Variants in DDX10 observed in about 807,000 individuals in gnomAD.
DDX10 encodes the protein probable ATP-dependent RNA helicase DDX10.
A neutral mutation model predicts 104.3 loss-of-function variants in DDX10; 74 were observed. That is an observed-to-expected ratio of 0.71 (90% CI 0.59 to 0.86). DDX10 has a LOEUF of 0.86. Among genes scored for constraint, DDX10 ranks in the 40% least tolerant of loss-of-function variants. The probability of loss-of-function intolerance (pLI) is 0.00; values close to 1 mark genes in which losing one functional copy is unlikely to be tolerated. For missense variants in DDX10, 952 were observed against 1,040.0 expected, an observed-to-expected ratio of 0.92 and a Z score of 1.16; for synonymous variants, 351 against 353.4, an observed-to-expected ratio of 0.99 and a Z score of 0.08.
At chr11:108,685,377 G>C (rs1327469241) in intron 6 of DDX10, among the ~76,000 whole-genome samples, 1 of 151,432 alleles carries the variant, frequency 6.6e-6, no homozygotes, top group East Asian at 1.9e-4. Flanking sequence ...GCAATGCCTC[G>C]CCCTGCTTCG....
intron 13 of DDX10, among the ~76,000 whole-genome samples, chr11:108,776,331 G>T (rs1432895655): frequency 1.3e-5 from 2 of 152,252 alleles, no homozygotes; most frequent in Admixed American, 1.3e-4. Flanking sequence ...CCAAGAATTT[G>T]TGGAGGATTA....
intron 10 of DDX10, 66 bp downstream of exon 10, chr11:108,706,903 T>A: frequency 1.5e-6 from 2 of 1,339,992 alleles, no homozygotes; most frequent in Non-Finnish European, 2.1e-6. Context: ...TGCTTAATTA[T>A]GTGCACCTAA....
At chr11:108,667,057 T>C (rs139995082) in intron 1 of DDX10, among the ~76,000 whole-genome samples, 3 of 152,344 alleles carry the variant, frequency 2.0e-5, no homozygotes, top group Non-Finnish European at 4.4e-5. Flanking sequence ...CCCTACTGCA[T>C]TGTCTTCAGT....
chr11:108,817,134 T>C (rs1786666304), intron 13 of DDX10, among the ~76,000 whole-genome samples: 1 of 152,212 alleles, frequency 6.6e-6, no homozygotes, highest in Admixed American at 6.5e-5. Context: ...TCACTTAAAT[T>C]TGCAGTTTCC....
At chr11:108,673,250 T>C (rs2094219371) in intron 1 of DDX10, among the ~76,000 whole-genome samples, 1 of 152,148 alleles carries the variant, frequency 6.6e-6, no homozygotes, top group Non-Finnish European at 1.5e-5. Context: ...GACTTTTTTT[T>C]CCTTACCAAT....
chr11:108,878,379 C>A (rs779584098), intron 16 of DDX10, among the ~76,000 whole-genome samples: 9 of 152,216 alleles, frequency 5.9e-5, no homozygotes, highest in Admixed American at 1.3e-4. Context: ...ATGTGTACCA[C>A]ACCATCACTA....
chr11:108,834,439 A>G (rs1029182911), intron 13 of DDX10, among the ~76,000 whole-genome samples: 4 of 152,198 alleles, frequency 2.6e-5, no homozygotes, highest in Non-Finnish European at 5.9e-5. Flanking sequence ...TTTATATACA[A>G]TGAAATGCAC....
At chr11:108,669,789 C>T (rs1033220694) in intron 1 of DDX10, among the ~76,000 whole-genome samples, 4 of 152,144 alleles carry the variant, frequency 2.6e-5, no homozygotes, top group African/African-American at 9.7e-5. Flanking sequence ...GCGGAAGAGT[C>T]AGTGTCAGAA....
chr11:108,894,563 A>G (rs1464020831), intron 16 of DDX10, among the ~76,000 whole-genome samples: 1 of 152,070 alleles, frequency 6.6e-6, no homozygotes, highest in Admixed American at 6.5e-5. Flanking sequence ...GAAAATTATC[A>G]TGGCATATCT....
intron 16 of DDX10, among the ~76,000 whole-genome samples, chr11:108,893,870 T>C (rs2134642199): frequency 6.6e-6 from 1 of 152,226 alleles, no homozygotes; most frequent in Middle Eastern, 3.4e-3. Flanking sequence ...CATGCAAATG[T>C]ATGCAGTGGA....
chr11:108,871,575 C>T (rs1863082412), intron 16 of DDX10, among the ~76,000 whole-genome samples: 1 of 152,154 alleles, frequency 6.6e-6, no homozygotes, highest in African/African-American at 2.4e-5. Flanking sequence ...TCCTTTGTAC[C>T]CATCCATTTG....
At chr11:108,672,169 G>C (rs2094218017) in intron 1 of DDX10, among the ~76,000 whole-genome samples, 1 of 151,910 alleles carries the variant, frequency 6.6e-6, no homozygotes, top group Non-Finnish European at 1.5e-5. Context: ...TTCCCTCCAG[G>C]AGGTTAACTG....
intron 13 of DDX10, among the ~76,000 whole-genome samples, chr11:108,816,809 T>C (rs1368739515): frequency 6.6e-6 from 1 of 152,086 alleles, no homozygotes; most frequent in Admixed American, 6.5e-5. Context: ...TCTCTTTGGC[T>C]TCCCAAAGTG....
intron 3 of DDX10, among the ~76,000 whole-genome samples, chr11:108,676,070 C>G (rs1454078135): frequency 1.3e-5 from 2 of 152,218 alleles, no homozygotes; most frequent in Non-Finnish European, 2.9e-5. Flanking sequence ...AGTTTCTGCT[C>G]TCACCCTTGT....
At chr11:108,669,096 C>CTT (rs569505369) in intron 1 of DDX10, among the ~76,000 whole-genome samples, 28 of 139,196 alleles carry the variant, frequency 2.0e-4, no homozygotes, top group African/African-American at 6.6e-4. Context: ...TGGAGCTAAG[C>CTT]TTTTTTTTTT....
At chr11:108,728,038 A>C (rs2094307483) in intron 13 of DDX10, among the ~76,000 whole-genome samples, 1 of 151,994 alleles carries the variant, frequency 6.6e-6, no homozygotes, top group Non-Finnish European at 1.5e-5. Context: ...AGTCCTAGAA[A>C]AATGAAAAAA....
At chr11:108,691,609 A>G (rs1351014648) in intron 7 of DDX10, among the ~76,000 whole-genome samples, 1 of 152,230 alleles carries the variant, frequency 6.6e-6, no homozygotes, top group African/African-American at 2.4e-5. Context: ...TTTGTAGAAA[A>G]TGAGTTATGA....
chr11:108,739,210 A>C (rs898787402), intron 13 of DDX10, among the ~76,000 whole-genome samples: 2 of 152,222 alleles, frequency 1.3e-5, no homozygotes, highest in Non-Finnish European at 2.9e-5. Context: ...AGGTAGTAGC[A>C]AAAAGTAGAA....
intron 16 of DDX10, among the ~76,000 whole-genome samples, chr11:108,894,726 A>T (rs1340812034): frequency 2.6e-5 from 4 of 152,008 alleles, no homozygotes; most frequent in African/African-American, 7.2e-5. Context: ...TTCTTTTGTA[A>T]AATACTTTGT....
Sources: gnomAD v4.1 joint callset for allele counts (sites outside exome capture counted in the v4.1 genomes callset) on GRCh38, gnomAD v4.1.1 for gene constraint, MANE v1.5 for transcripts, NCBI Gene and HGNC (gene_info 2026-07-23, HGNC 2026-07-21) for gene names.